The following SLC25A12 variants were observed in gnomAD, a reference collection of about 807,000 sequenced individuals.
SLC25A12 encodes electrogenic aspartate/glutamate antiporter SLC25A12, mitochondrial.
A neutral mutation model predicts 83.3 loss-of-function variants in SLC25A12; 32 were observed. The observed-to-expected ratio is 0.38, with a 90% CI of 0.29 to 0.52. The LOEUF is 0.52. Among genes scored for constraint, SLC25A12 ranks in the 20% least tolerant of loss-of-function variants. SLC25A12 has a pLI of 0.84. For synonymous variants in SLC25A12, 267 were observed against 291.1 expected (o/e 0.92, Z 0.84); for missense variants, 611 against 835.6 (o/e 0.73, Z 3.31).
At chr2:171,789,435 A>C (rs1292895290) in intron 15 of SLC25A12, among the ~76,000 whole-genome samples, 3 of 151,998 alleles carry the variant, frequency 2.0e-5, no homozygotes, top group East Asian at 3.9e-4. Context: ...TCACCGTGTT[A>C]GCCAGGATGG....
intron 5 of SLC25A12, among the ~76,000 whole-genome samples, chr2:171,838,502 C>T (rs574529207): frequency 5.1e-4 from 77 of 152,176 alleles, no homozygotes; most frequent in African/African-American, 1.9e-3. Flanking sequence ...TTTCCTTCTA[C>T]CTCTTTTCTA....
chr2:171,859,751 C>T, intron 3 of SLC25A12, among the ~76,000 whole-genome samples: 1 of 149,010 alleles, frequency 6.7e-6, no homozygotes, highest in Non-Finnish European at 1.5e-5. Context: ...AAACGTTCTG[C>T]AAATGGATAC....
intron 5 of SLC25A12, among the ~76,000 whole-genome samples, chr2:171,837,634 C>T (rs1684585936): frequency 6.6e-6 from 1 of 152,182 alleles, no homozygotes; most frequent in South Asian, 2.1e-4. Flanking sequence ...TGCTTGAAGG[C>T]TTACCTGTCA....
chr2:171,823,752 A>C (rs559890298), intron 9 of SLC25A12, among the ~76,000 whole-genome samples: 1 of 152,246 alleles, frequency 6.6e-6, no homozygotes, highest in South Asian at 2.1e-4. Context: ...TAAGCTTAGG[A>C]GTTTGAGACC....
intron 3 of SLC25A12, among the ~76,000 whole-genome samples, chr2:171,863,904 C>T (rs1042354560): frequency 6.6e-6 from 1 of 152,152 alleles, no homozygotes; most frequent in Non-Finnish European, 1.5e-5. Context: ...AAAAGGTATA[C>T]AAGTTTCCCA....
intron 2 of SLC25A12, among the ~76,000 whole-genome samples, chr2:171,883,987 A>G (rs1481549622): frequency 6.6e-6 from 1 of 151,108 alleles, no homozygotes; most frequent in East Asian, 1.9e-4. Context: ...CAGCCTTCCT[A>G]GTAGCTAGGA....
intron 9 of SLC25A12, among the ~76,000 whole-genome samples, chr2:171,823,761 C>T (rs1279881695): frequency 1.3e-5 from 2 of 152,070 alleles, no homozygotes; most frequent in Non-Finnish European, 2.9e-5. Flanking sequence ...GAGTTTGAGA[C>T]CAGCCTGGGA....
chr2:171,800,561 GAACT>G (rs1296341887), intron 13 of SLC25A12, among the ~76,000 whole-genome samples: 11 of 152,118 alleles, frequency 7.2e-5, no homozygotes, highest in Admixed American at 2.0e-4. Context: ...CCACTTCTAA[GAACT>G]AACTGGCAGT....
intron 2 of SLC25A12, among the ~76,000 whole-genome samples, chr2:171,874,451 C>T (rs542961638): frequency 6.6e-6 from 1 of 152,156 alleles, no homozygotes; most frequent in Admixed American, 6.6e-5. Flanking sequence ...TCTTTGTTCT[C>T]GCTCTTCACA....
At chr2:171,887,760 A>T (rs1251116721) in intron 2 of SLC25A12, among the ~76,000 whole-genome samples, 9 of 152,246 alleles carry the variant, frequency 5.9e-5, no homozygotes. Flanking sequence ...ATCTTAGCTT[A>T]AACCAGTTGT....
intron 3 of SLC25A12, among the ~76,000 whole-genome samples, chr2:171,859,155 T>C (rs1238017463): frequency 6.6e-6 from 1 of 152,188 alleles, no homozygotes; most frequent in East Asian, 1.9e-4. Context: ...AGAAAGAGTA[T>C]CTGGCATTAG....
chr2:171,850,814 G>A (rs575342939), intron 4 of SLC25A12, among the ~76,000 whole-genome samples: 2 of 152,172 alleles, frequency 1.3e-5, no homozygotes. Context: ...AGTGAGAAAG[G>A]GTACATTTTT....
chr2:171,893,057 T>C, intron 2 of SLC25A12, 148 bp downstream of exon 2: 1 of 605,752 alleles, frequency 1.7e-6, no homozygotes, highest in Admixed American at 3.1e-5. Context: ...TCAAACCTTA[T>C]TAAGAGAAGT....
chr2:171,815,087 C>G (rs748839097), intron 10 of SLC25A12, 34 bp downstream of exon 10: 1 of 1,550,886 alleles, frequency 6.4e-7, no homozygotes, highest in Non-Finnish European at 8.9e-7. Context: ...TACATTAACA[C>G]AAGCCTCAAA....
At chr2:171,863,088 A>C (rs1353516762) in intron 3 of SLC25A12, among the ~76,000 whole-genome samples, 1 of 152,050 alleles carries the variant, frequency 6.6e-6, no homozygotes, top group Non-Finnish European at 1.5e-5. Context: ...AATTGTGTAG[A>C]GATGGGGTTT....
At chr2:171,874,467 T>G (rs1045429766) in intron 2 of SLC25A12, among the ~76,000 whole-genome samples, 2 of 152,230 alleles carry the variant, frequency 1.3e-5, no homozygotes, top group Non-Finnish European at 2.9e-5. Flanking sequence ...TCACAACTGC[T>G]TGTGTTGCTT....
chr2:171,795,784 C>T (rs1160204092), intron 13 of SLC25A12, among the ~76,000 whole-genome samples: 1 of 151,358 alleles, frequency 6.6e-6, no homozygotes, highest in Non-Finnish European at 1.5e-5. Flanking sequence ...CCACCCCCAC[C>T]CCACAGCTGC....
At chr2:171,848,092 T>C in intron 4 of SLC25A12, 2 of 448,062 alleles carry the variant, frequency 4.5e-6, no homozygotes, top group South Asian at 1.6e-5. Flanking sequence ...TGTCTCCCCA[T>C]CTCATCCACC....
intron 2 of SLC25A12, among the ~76,000 whole-genome samples, chr2:171,869,621 T>A (rs1321432305): frequency 1.3e-5 from 2 of 152,148 alleles, no homozygotes; most frequent in African/African-American, 4.8e-5. Context: ...TTTTTTTAAA[T>A]AAAATAATAA....
Sources: gnomAD v4.1 joint callset for allele counts (sites outside exome capture counted in the v4.1 genomes callset) on GRCh38, gnomAD v4.1.1 for gene constraint, MANE v1.5 for transcripts, NCBI Gene and HGNC (gene_info 2026-07-23, HGNC 2026-07-21) for gene names.